The following SRPK2 variants were observed in gnomAD, a reference collection of about 807,000 sequenced individuals.
The protein encoded by SRPK2 is SRSF protein kinase 2.
SRPK2 carries 21 observed loss-of-function variants against 90.8 expected under a neutral mutation model. That is an observed-to-expected ratio of 0.23 (90% CI 0.16 to 0.33). The LOEUF is 0.33. Ranked by LOEUF, SRPK2 falls within the 10% of genes least tolerant of loss-of-function variation. The pLI, the probability that SRPK2 is intolerant of heterozygous loss-of-function variation, is 1.00. For synonymous variants in SRPK2, 288 were observed against 311.1 expected, an observed-to-expected ratio of 0.93 and a Z score of 0.78; for missense variants, 620 against 869.0, an observed-to-expected ratio of 0.71 and a Z score of 3.60.
At chr7:105,375,240 C>A (rs768897524) in intron 2 of SRPK2, among the ~76,000 whole-genome samples, 1 of 152,128 alleles carries the variant, frequency 6.6e-6, no homozygotes, top group Non-Finnish European at 1.5e-5. Flanking sequence ...TCAATATTAA[C>A]CCAACCCAAT....
intron 11 of SRPK2, among the ~76,000 whole-genome samples, chr7:105,139,469 C>G (rs2129576120): frequency 6.6e-6 from 1 of 152,238 alleles, no homozygotes; most frequent in Middle Eastern, 3.4e-3. Context: ...ATGGTGGCAA[C>G]AAGTGTAGGA....
At chr7:105,137,550 C>T (rs557678183) in intron 11 of SRPK2, among the ~76,000 whole-genome samples, 15 of 152,254 alleles carry the variant, frequency 9.9e-5, no homozygotes, top group African/African-American at 3.6e-4. Context: ...AGAAAGGATT[C>T]CAGAAATAGC....
chr7:105,385,378 G>T (rs947053615), intron 2 of SRPK2, among the ~76,000 whole-genome samples: 7 of 148,580 alleles, frequency 4.7e-5, no homozygotes, highest in East Asian at 4.0e-4. Flanking sequence ...TAGAGACGGG[G>T]TGTTAGCCAG....
chr7:105,146,728 A>G, intron 7 of SRPK2, 70 bp from the exon 8 acceptor site: 1 of 1,475,904 alleles, frequency 6.8e-7, no homozygotes. Flanking sequence ...ATTTATTTGA[A>G]AAACATGTAA....
chr7:105,288,629 A>T (rs944453389), intron 2 of SRPK2, among the ~76,000 whole-genome samples: 1 of 152,142 alleles, frequency 6.6e-6, no homozygotes, highest in African/African-American at 2.4e-5. Context: ...AAAATATATA[A>T]AAACATATTA....
intron 2 of SRPK2, among the ~76,000 whole-genome samples, chr7:105,364,404 C>CTTTTTTTTTTTT (rs1563290472): frequency 8.6e-6 from 1 of 116,356 alleles, no homozygotes; most frequent in Admixed American, 9.1e-5. Context: ...CCGTGTGTAA[C>CTTTTTTTTTTTT]GTTTTTTTTT....
intron 2 of SRPK2, among the ~76,000 whole-genome samples, chr7:105,331,415 T>TA (rs1814389759): frequency 1.3e-5 from 2 of 150,448 alleles, no homozygotes; most frequent in Non-Finnish European, 2.9e-5. Flanking sequence ...ATCAAAGAGT[T>TA]ACAAATAAAA....
At chr7:105,235,160 G>A (rs932218476) in intron 2 of SRPK2, among the ~76,000 whole-genome samples, 2 of 152,108 alleles carry the variant, frequency 1.3e-5, no homozygotes, top group Non-Finnish European at 1.5e-5. Flanking sequence ...TAATTTTTTG[G>A]AAACTACAAG....
Position 105,167,413 on chromosome 7 carries a change from T to C in SRPK2, c.478A>G (p.Ile160Val), listed in dbSNP as rs562930765. The C allele has an allele frequency of 4.0e-5, 64 of 1,613,804 alleles. No homozygotes were observed. In the Admixed American group the frequency reaches 9.8e-4, roughly 25 times the overall value. The change falls in exon 6 of 16, where the codon ATT (isoleucine) becomes GTT (valine). Residue 160 changes from isoleucine (I) to valine (V), a missense_variant. Physicochemically the swap from Ile to Val is conservative, Grantham distance 29 (BLOSUM62 3). Around this residue, in one of 8 missense-constraint regions of SRPK2, gnomAD observed 196 missense variants for 339.2 expected, o/e 0.58. Transcript: ENST00000393651. ...DPNKDMVVQL[I>V]DDFKISGMNG... ...ATGCCTGAAATCTTGAAGTCGTCAA[T>C]GAGCTGGACCACCATGTCTTTGTTT...
At chr7:105,214,782 C>T (rs1397026314) in intron 2 of SRPK2, among the ~76,000 whole-genome samples, 1 of 152,182 alleles carries the variant, frequency 6.6e-6, no homozygotes, top group East Asian at 1.9e-4. Flanking sequence ...ATGCCCCCTA[C>T]AGATTCAACA....
At chr7:105,351,549 T>C (rs1243310934) in intron 2 of SRPK2, among the ~76,000 whole-genome samples, 2 of 151,778 alleles carry the variant, frequency 1.3e-5, no homozygotes, top group African/African-American at 4.8e-5. Context: ...ACACCTGTAA[T>C]CCCAGCACTT....
intron 3 of SRPK2, among the ~76,000 whole-genome samples, chr7:105,173,397 C>CAAGT (rs1241353782): frequency 6.6e-6 from 1 of 152,190 alleles, no homozygotes; most frequent in Admixed American, 6.5e-5. Context: ...CCTACACAAT[C>CAAGT]AAGTATCTTC....
At position 105,276,123 on chromosome 7, in the gene SRPK2, C is replaced by T. The variant is rs187825769; in HGVS notation, c.72-72338G>A. Among the ~76,000 whole-genome samples the T allele has an allele frequency of 4.0e-5, 6 of 151,770 alleles. No homozygotes were observed. In the East Asian group the frequency reaches 7.8e-4, roughly 20 times the overall value. Reference sequence around the variant, plus strand: ...GAGGGACAGAGTCTTGCTCTGTCACCGAAGCTGGAGTGCAGTGGTGCAACG... The same window carrying T: ...GAGGGACAGAGTCTTGCTCTGTCACTGAAGCTGGAGTGCAGTGGTGCAACG... On this transcript the variant is annotated intron_variant, in intron 2 of 15. Coordinates refer to ENST00000393651, the MANE Select transcript of SRPK2 (RefSeq NM_182692.3).
chr7:105,322,464 G>GA (rs1813045966), intron 2 of SRPK2, among the ~76,000 whole-genome samples: 1 of 152,116 alleles, frequency 6.6e-6, no homozygotes, highest in South Asian at 2.1e-4. Flanking sequence ...CATGCAAAGT[G>GA]AAAGAAGCCA....
intron 3 of SRPK2, among the ~76,000 whole-genome samples, chr7:105,173,261 T>G (rs1791388401): frequency 6.6e-6 from 1 of 152,152 alleles, no homozygotes; most frequent in Non-Finnish European, 1.5e-5. Flanking sequence ...CATGCCACCA[T>G]GCCTGGCTAG....
At chr7:105,167,291 C>G in intron 6 of SRPK2, 86 bp downstream of exon 6, 1 of 1,056,898 alleles carries the variant, frequency 9.5e-7, no homozygotes, top group Non-Finnish European at 1.4e-6. Flanking sequence ...GAAGGTGATA[C>G]AGCAGTAAAC....
At chr7:105,259,235 C>G (rs1408273336) in intron 2 of SRPK2, among the ~76,000 whole-genome samples, 1 of 152,116 alleles carries the variant, frequency 6.6e-6, no homozygotes, top group African/African-American at 2.4e-5. Flanking sequence ...CATTCCTATA[C>G]ACCAATAACA....
intron 2 of SRPK2, among the ~76,000 whole-genome samples, chr7:105,238,140 AAAC>A (rs1800356805): frequency 1.3e-5 from 2 of 152,250 alleles, no homozygotes; most frequent in Admixed American, 1.3e-4. Flanking sequence ...TCACTTGAAT[AAAC>A]AACTAGCAAC....
intron 2 of SRPK2, among the ~76,000 whole-genome samples, chr7:105,240,145 T>C (rs1800626113): frequency 6.6e-6 from 1 of 152,208 alleles, no homozygotes. Context: ...AGACTGATTC[T>C]GGTGAGGGCT....
Sources: gnomAD v4.1 joint callset for allele counts (sites outside exome capture counted in the v4.1 genomes callset) on GRCh38, gnomAD v4.1.1 for gene constraint, gnomAD v4.1.1 regional missense constraint, MANE v1.5 for transcripts, NCBI Gene and HGNC (gene_info 2026-07-23, HGNC 2026-07-21) for gene names.